Variants in GRM4 observed in about 807,000 individuals in gnomAD.
The protein encoded by GRM4 is metabotropic glutamate receptor 4.
Under a neutral mutation model 81.7 loss-of-function variants are expected in GRM4, and 28 were observed. The observed-to-expected ratio is 0.34, with a 90% CI of 0.25 to 0.47. GRM4 has a LOEUF of 0.47. Ranked by LOEUF, GRM4 falls within the 20% of genes least tolerant of loss-of-function variation. The pLI, the probability that GRM4 is intolerant of heterozygous loss-of-function variation, is 1.00. For missense variants in GRM4, 948 were observed against 1,290.0 expected (o/e 0.73, Z 4.06); for synonymous variants, 488 against 528.8 (o/e 0.92, Z 1.06).
chr6:34,085,916 G>A (rs77490194), intron 3 of GRM4, among the ~76,000 whole-genome samples: 7,617 of 152,254 alleles, frequency 0.05, 204 homozygotes, highest in Middle Eastern at 0.072. Context: ...AATGCAGGCC[G>A]TGTGGACATG....
intron 1 of GRM4, among the ~76,000 whole-genome samples, chr6:34,151,846 C>CAA (rs1771053134): frequency 6.6e-6 from 1 of 152,118 alleles, no homozygotes. Context: ...AGGGTCCTCA[C>CAA]AAGTGAGTGT....
intron 3 of GRM4, among the ~76,000 whole-genome samples, chr6:34,066,191 A>G (rs929624752): frequency 6.6e-6 from 1 of 152,248 alleles, no homozygotes; most frequent in East Asian, 1.9e-4. Context: ...TTCCCCGTCC[A>G]CACTCGTCCC....
intron 1 of GRM4, among the ~76,000 whole-genome samples, chr6:34,134,195 G>A (rs1770362673): frequency 6.6e-6 from 1 of 152,154 alleles, no homozygotes; most frequent in Non-Finnish European, 1.5e-5. Flanking sequence ...ATGAAGGAGA[G>A]CAAGAAACAG....
At chr6:34,118,890 T>C (rs1341439799) in intron 2 of GRM4, among the ~76,000 whole-genome samples, 1 of 152,208 alleles carries the variant, frequency 6.6e-6, no homozygotes, top group South Asian at 2.1e-4. Flanking sequence ...TGAATACAAC[T>C]GTACAAACTG....
At chr6:34,057,359 G>A (rs554973045) in intron 5 of GRM4, among the ~76,000 whole-genome samples, 1 of 152,338 alleles carries the variant, frequency 6.6e-6, no homozygotes, top group African/African-American at 2.4e-5. Flanking sequence ...TGAAAGCTCA[G>A]CGGGGCCACG....
chr6:34,072,945 ATACACAC>A (rs1767041878), intron 3 of GRM4, among the ~76,000 whole-genome samples: 1 of 129,774 alleles, frequency 7.7e-6, no homozygotes, highest in Non-Finnish European at 1.6e-5. Flanking sequence ...CACCACACAG[ATACACAC>A]CACACACATG....
chr6:34,087,868 C>T (rs1222418712), intron 3 of GRM4, among the ~76,000 whole-genome samples: 5 of 148,200 alleles, frequency 3.4e-5, no homozygotes, highest in African/African-American at 1.3e-4. Flanking sequence ...CTTTGGAGTT[C>T]ACCTTGCTGC....
chr6:34,062,755 G>A (rs956191473), intron 3 of GRM4: 3 of 151,480 alleles, frequency 2.0e-5, no homozygotes, highest in Admixed American at 2.0e-4. Context: ...AGGCTGGGTG[G>A]CCATCAGAGA....
chr6:34,154,943 G>T, intron 1 of GRM4: 3 of 631,972 alleles, frequency 4.7e-6, no homozygotes, highest in South Asian at 3.7e-5. Flanking sequence ...GTGGCCGAAC[G>T]CCCTCATTGC....
chr6:34,057,883 T>C (rs535711985), intron 5 of GRM4, among the ~76,000 whole-genome samples: 2 of 152,304 alleles, frequency 1.3e-5, no homozygotes, highest in South Asian at 4.1e-4. Flanking sequence ...CTGGCACTGG[T>C]AAGCACCATA....
chr6:34,155,173 G>T (rs1203093700), exon 1 of GRM4: 1 of 1,535,180 alleles, frequency 6.5e-7, no homozygotes, highest in African/African-American at 1.4e-5. Flanking sequence ...TTCGTGCGCG[G>T]CCAGGCTCAC....
chr6:34,076,468 C>A lies in GRM4; in HGVS notation c.737-14440G>T, dbSNP rs75218352. Among the ~76,000 whole-genome samples, 530 of 152,284 alleles carry A rather than the reference C, an allele frequency of 3.5e-3. 2 individuals are homozygous for A. Among genetic ancestry groups the A allele is most frequent in the African/African-American group, 0.01 (425 of 41,552 alleles). On this transcript the variant is annotated intron_variant, in intron 3 of 10. Transcript: ENST00000538487. The stretch of plus-strand genomic sequence containing the variant: ...AGAAAACCGGGGGGCTGGGTCAAGC[C>A]CCAGCACTGGATATAACCAGACAAT...
chr6:34,044,487 T>G (rs1417106594), intron 6 of GRM4, among the ~76,000 whole-genome samples: 1 of 145,184 alleles, frequency 6.9e-6, no homozygotes, highest in African/African-American at 2.6e-5. Flanking sequence ...CATACACATA[T>G]ACATAGACAT....
In GRM4 at chr6:34,118,233, G is replaced by C. The variant is rs554541652; in HGVS notation, c.519+14745C>G. The stretch of plus-strand genomic sequence containing the variant: ...GCTGGCTTTTATAGCCACCATAACA[G>C]GAAGGGGCTAAGGGACATCGAGCCA... On this transcript the variant is annotated intron_variant, in intron 2 of 10. Coordinates refer to ENST00000538487, the MANE Select transcript of GRM4 (RefSeq NM_000841.4). Among the ~76,000 whole-genome samples, 264 of 152,334 alleles carry C rather than the reference G, an allele frequency of 1.7e-3. 1 individual carries two copies. The highest frequency in any genetic ancestry group is 6.8e-3 in the South Asian group (33 of 4,828).
intron 3 of GRM4, among the ~76,000 whole-genome samples, chr6:34,081,066 G>A (rs1767569266): frequency 6.6e-6 from 1 of 152,158 alleles, no homozygotes; most frequent in East Asian, 1.9e-4. Flanking sequence ...ATGCTTCCCT[G>A]GGGAAGGCCA....
Position 34,036,560 on chromosome 6 carries a change from C to T in GRM4, c.1550G>A (p.Arg517His), listed in dbSNP as rs559913506. The T allele has an allele frequency of 5.6e-5, 89 of 1,593,930 alleles. No homozygotes were observed. Among genetic ancestry groups the T allele is most frequent in the South Asian group, 2.0e-4 (18 of 90,304 alleles). ...TTGGCAGGGCAGGCTGCAGATGGAG[C>T]GGGGCAGCTGCTGCCCGCTCCCCGG... ...HWPGSGQQLP[R>H]SICSLPCQPG... The change falls in exon 9 of 11, where the codon CGC becomes CAC. Residue 517 changes from arginine (R) to histidine (H), a missense_variant. Physicochemically the swap from Arg to His is conservative, Grantham distance 29. Coordinates refer to ENST00000538487, the MANE Select transcript of GRM4 (RefSeq NM_000841.4). This position sits in a 1 kb window ranked among gnomAD's most constrained non-coding sequence, Gnocchi z 9.0.
In GRM4 at chr6:34,094,292, T is replaced by C. The variant is rs183616616; in HGVS notation, c.520-2193A>G. ...GGGACCTTTCACCTTCTACCCTTTGTAGGTTTCCAATGTAGAACCATGCAC... is the reference window on the plus strand; with the variant it reads ...GGGACCTTTCACCTTCTACCCTTTGCAGGTTTCCAATGTAGAACCATGCAC... On this transcript the variant is annotated intron_variant, in intron 2 of 10. Coordinates refer to ENST00000538487, the MANE Select transcript of GRM4 (RefSeq NM_000841.4). 2.0e-5 allele frequency among the ~76,000 whole-genome samples: 3 copies of C among 152,286 alleles called. No individual in the cohort carries two copies. In the East Asian group the frequency reaches 5.8e-4, roughly 29 times the overall value.
intron 3 of GRM4, among the ~76,000 whole-genome samples, chr6:34,066,143 A>G (rs1769465653): frequency 6.6e-6 from 1 of 152,172 alleles, no homozygotes; most frequent in Non-Finnish European, 1.5e-5. Flanking sequence ...GGCAGCGTCT[A>G]GTAAAGCTGA....
At chr6:34,106,662 C>A (rs1164093580) in intron 2 of GRM4, among the ~76,000 whole-genome samples, 1 of 152,156 alleles carries the variant, frequency 6.6e-6, no homozygotes, top group Non-Finnish European at 1.5e-5. Context: ...CCACTCCCTG[C>A]AACACCACAC....
Sources: gnomAD v4.1 joint callset for allele counts (sites outside exome capture counted in the v4.1 genomes callset) on GRCh38, gnomAD v4.1.1 for gene constraint, Gnocchi (gnomAD v3.1) non-coding constraint, MANE v1.5 for transcripts, NCBI Gene and HGNC (gene_info 2026-07-23, HGNC 2026-07-21) for gene names.